The following NTN1 variants were observed in gnomAD, a reference collection of about 807,000 sequenced individuals.
The protein encoded by NTN1 is netrin-1.
In NTN1, 11 loss-of-function variants were observed where a neutral mutation model predicts 54.2. The observed-to-expected ratio is 0.20, with a 90% CI of 0.13 to 0.34. The LOEUF (loss-of-function observed/expected upper bound fraction) is 0.34, where lower values mean the gene tolerates loss of function less well. Among genes scored for constraint, NTN1 ranks in the 10% least tolerant of loss-of-function variants. The probability of loss-of-function intolerance (pLI) is 1.00; values close to 1 mark genes in which losing one functional copy is unlikely to be tolerated. For missense variants in NTN1, 740 were observed against 893.1 expected (o/e 0.83, Z 2.18); for synonymous variants, 371 against 382.0 (o/e 0.97, Z 0.33).
chr17:9,113,479 A>G (rs1405196983), intron 2 of NTN1, among the ~76,000 whole-genome samples: 2 of 152,204 alleles, frequency 1.3e-5, no homozygotes, highest in Non-Finnish European at 2.9e-5. Flanking sequence ...GCAGCTTGAT[A>G]GAATGTGAAT....
At chr17:9,237,568 C>T (rs1462545861) in intron 6 of NTN1, among the ~76,000 whole-genome samples, 1 of 152,126 alleles carries the variant, frequency 6.6e-6, no homozygotes, top group Non-Finnish European at 1.5e-5. Context: ...AGCCCCAGCC[C>T]AGGGTGCCTT....
At chr17:9,090,307 C>T (rs1043229993) in intron 2 of NTN1, among the ~76,000 whole-genome samples, 3 of 151,886 alleles carry the variant, frequency 2.0e-5, no homozygotes, top group Non-Finnish European at 2.9e-5. Flanking sequence ...TCCCAAGTAG[C>T]TGGGACTACA....
At chr17:9,114,166 A>AAAAAAAAAAAAAAATATAT (rs1555569108) in intron 2 of NTN1, among the ~76,000 whole-genome samples, 1 of 74,656 alleles carries the variant, frequency 1.3e-5, no homozygotes, top group Non-Finnish European at 2.5e-5. Flanking sequence ...AAAAAAAAAA[A>AAAAAAAAAAAAAAATATAT]ATATATATAT....
At chr17:9,118,887 T>C (rs1442469773) in intron 2 of NTN1, among the ~76,000 whole-genome samples, 2 of 152,270 alleles carry the variant, frequency 1.3e-5, no homozygotes, top group Non-Finnish European at 2.9e-5. Context: ...GCATTTTGTG[T>C]ATTCATTCAC....
At chr17:9,233,095 C>T (rs1458121078) in intron 6 of NTN1, among the ~76,000 whole-genome samples, 1 of 152,030 alleles carries the variant, frequency 6.6e-6, no homozygotes, top group African/African-American at 2.4e-5. Flanking sequence ...GGCTGACCAC[C>T]TCAGCCTCCT....
At chr17:9,007,280 A>C in the NTN1 span, among the ~76,000 whole-genome samples, 16 of 129,982 alleles carry the variant, frequency 1.2e-4, no homozygotes, top group East Asian at 3.8e-3. Flanking sequence ...CTTTTCTTTC[A>C]TCCCTTCCTT....
intron 2 of NTN1, among the ~76,000 whole-genome samples, chr17:9,156,994 C>T (rs1318106964): frequency 1.3e-5 from 2 of 149,776 alleles, no homozygotes; most frequent in East Asian, 2.0e-4. Flanking sequence ...CAACCCCATC[C>T]ATCCGTCCAT....
chr17:9,011,555 T>G, the NTN1 span, among the ~76,000 whole-genome samples: 4 of 152,196 alleles, frequency 2.6e-5, no homozygotes, highest in African/African-American at 9.6e-5. Context: ...AAGGTAACAT[T>G]CACTGGTTCC....
At chr17:9,033,399 T>G (rs1483316312) in intron 2 of NTN1, among the ~76,000 whole-genome samples, 1 of 152,260 alleles carries the variant, frequency 6.6e-6, no homozygotes, top group East Asian at 1.9e-4. Context: ...TGTTTGTTTG[T>G]TTTAATAGAA....
intron 2 of NTN1, among the ~76,000 whole-genome samples, chr17:9,131,523 C>CT (rs1053863671): frequency 6.6e-6 from 1 of 151,044 alleles, no homozygotes; most frequent in African/African-American, 2.4e-5. Flanking sequence ...CTCTGCCCTG[C>CT]TTGAGGGCTG....
rs181947157 is a variant in NTN1, at chr17:9,167,579, C to T, written c.1207+4578C>T. On this transcript the variant is annotated intron_variant, in intron 3 of 6. Transcript: ENST00000173229. ...CTTTCCCCCTTTCAAGCCCACAGTT[C>T]GTGTGGTTGAATGAAGGCTAGGAAG... 2.1e-4 allele frequency among the ~76,000 whole-genome samples: 32 copies of T among 152,216 alleles called. 1 individual carries two copies. The East Asian group carries it at 5.2e-3, about 25-fold the overall frequency.
intron 2 of NTN1, among the ~76,000 whole-genome samples, chr17:9,113,046 CAG>C (rs2092198031): frequency 7.0e-6 from 1 of 141,854 alleles, no homozygotes; most frequent in Non-Finnish European, 1.5e-5. Flanking sequence ...TTTTTTGAGA[CAG>C]AGTCTCACTC....
chr17:9,178,484 G>T (rs1567730184), intron 3 of NTN1, among the ~76,000 whole-genome samples: 1 of 152,088 alleles, frequency 6.6e-6, no homozygotes, highest in Non-Finnish European at 1.5e-5. Flanking sequence ...CTCCTCATTG[G>T]CCACTCCTGG....
intron 6 of NTN1, among the ~76,000 whole-genome samples, chr17:9,233,126 G>A (rs986660072): frequency 3.3e-5 from 5 of 152,006 alleles, no homozygotes; most frequent in Non-Finnish European, 7.4e-5. Context: ...AAGCTGCTGG[G>A]AGCCACTGGG....
intron 2 of NTN1, among the ~76,000 whole-genome samples, chr17:9,034,341 T>C (rs1439934494): frequency 1.3e-5 from 2 of 152,170 alleles, no homozygotes; most frequent in East Asian, 3.8e-4. Flanking sequence ...ATTATCACCA[T>C]GTACTGTTCT....
intron 4 of NTN1, among the ~76,000 whole-genome samples, chr17:9,182,449 G>T (rs1210376160): frequency 1.3e-5 from 2 of 152,234 alleles, no homozygotes; most frequent in African/African-American, 4.8e-5. Flanking sequence ...CTGCACGTGG[G>T]AGAAACCTTT....
chr17:9,216,666 AT>A (rs1251753612), intron 5 of NTN1, among the ~76,000 whole-genome samples: 1 of 152,158 alleles, frequency 6.6e-6, no homozygotes, highest in Non-Finnish European at 1.5e-5. Context: ...CTTTCCCTGG[AT>A]TTCCTTCTGC....
intron 5 of NTN1, among the ~76,000 whole-genome samples, chr17:9,204,383 T>C (rs1904910751): frequency 6.6e-6 from 1 of 151,892 alleles, no homozygotes; most frequent in South Asian, 2.1e-4. Context: ...AGCCTCCACC[T>C]CCTGGGTTCA....
chr17:9,064,236 C>T (rs975379668), intron 2 of NTN1, among the ~76,000 whole-genome samples: 3 of 152,226 alleles, frequency 2.0e-5, no homozygotes, highest in African/African-American at 7.2e-5. Flanking sequence ...CATCCATCCA[C>T]CCACTTCCTG....
Sources: gnomAD v4.1 joint callset for allele counts (sites outside exome capture counted in the v4.1 genomes callset) on GRCh38, gnomAD v4.1.1 for gene constraint, MANE v1.5 for transcripts, NCBI Gene and HGNC (gene_info 2026-07-23, HGNC 2026-07-21) for gene names.